The following TENM3 variants were observed in gnomAD, a reference collection of about 807,000 sequenced individuals.
TENM3 encodes the protein teneurin-3.
Under a neutral mutation model 255.1 loss-of-function variants are expected in TENM3, and 63 were observed. The observed-to-expected ratio is 0.25, with a 90% CI of 0.20 to 0.30. TENM3 has a LOEUF of 0.30. Among genes scored for constraint, TENM3 ranks in the 10% least tolerant of loss-of-function variants. The probability of loss-of-function intolerance (pLI) is 1.00; values close to 1 mark genes in which losing one functional copy is unlikely to be tolerated. For missense variants in TENM3, 2,929 were observed against 3,461.1 expected (o/e 0.85, Z 3.86); for synonymous variants, 1,306 against 1,322.3 (o/e 0.99, Z 0.27).
At chr4:182,772,286 C>G (rs1764304401) in intron 22 of TENM3, among the ~76,000 whole-genome samples, 1 of 152,192 alleles carries the variant, frequency 6.6e-6, no homozygotes, top group African/African-American at 2.4e-5. Context: ...ACCTTTTTTA[C>G]TCCTCACTCC....
chr4:182,799,774 G>A lies in TENM3; in HGVS notation c.7523G>A (p.Arg2508His), dbSNP rs1328986770. 1.9e-6 allele frequency: 3 copies of A among 1,588,690 alleles called. No individual in the cohort carries two copies. Among genetic ancestry groups the A allele is most frequent in the East Asian group, 2.3e-5 (1 of 43,172 alleles). The change falls in exon 28 of 28, where the codon CGC (arginine) becomes CAC (histidine). Residue 2508 changes from arginine (R) to histidine (H), a missense_variant. Around this residue, in one of 6 missense-constraint regions of TENM3, gnomAD observed 476 missense variants for 480.1 expected, o/e 0.99. Coordinates refer to ENST00000511685, the MANE Select transcript of TENM3 (RefSeq NM_001080477.4). The surrounding 1 kb of genome is among the most constrained non-coding windows in gnomAD (Gnocchi z 4.2). ...KGVMLAVSQGRVQTNVLNIAN... is the reference protein window; with the variant it reads ...KGVMLAVSQGHVQTNVLNIAN... ...GTCATGCTGGCCGTCAGCCAGGGCC[G>A]CGTGCAGACCAACGTGCTCAACATC...
the TENM3 span, among the ~76,000 whole-genome samples, chr4:182,107,844 C>T: frequency 2.0e-5 from 3 of 152,066 alleles, no homozygotes; most frequent in East Asian, 5.8e-4. Context: ...GGACTGATTT[C>T]CAAATAGTTT....
chr4:182,065,458 G>A, the TENM3 span, among the ~76,000 whole-genome samples: 2 of 152,228 alleles, frequency 1.3e-5, no homozygotes, highest in African/African-American at 2.4e-5. Context: ...GGGGGAGCAC[G>A]CGCGTCACGT....
chr4:182,158,735 T>C (rs1750890667), intron 1 of TENM3, among the ~76,000 whole-genome samples: 3 of 152,098 alleles, frequency 2.0e-5, no homozygotes, highest in Admixed American at 2.0e-4. Context: ...AATACAAGGC[T>C]CTTGACCCCC....
At chr4:181,762,447 A>G in the TENM3 span, among the ~76,000 whole-genome samples, 1 of 152,180 alleles carries the variant, frequency 6.6e-6, no homozygotes, top group Non-Finnish European at 1.5e-5. Flanking sequence ...TTAATGCATC[A>G]TGCTCTCAGT....
intron 3 of TENM3, among the ~76,000 whole-genome samples, chr4:182,366,866 T>C (rs1458107689): frequency 1.3e-5 from 2 of 152,142 alleles, no homozygotes; most frequent in East Asian, 1.9e-4. Context: ...CAAGATCTAT[T>C]TTTCAGTAAA....
chr4:182,144,755 G>A lies in TENM3; in HGVS notation c.-76+1G>A, dbSNP rs914715877. The A allele has an allele frequency of 2.0e-5, 3 of 147,708 alleles. No homozygotes were observed. Among genetic ancestry groups the A allele is most frequent in the Non-Finnish European group, 3.0e-5 (2 of 66,364 alleles). The allele number at this position is 147,708 out of a possible 1,614,324, so 9.1% of individuals were successfully genotyped here. ...CGGCGGCGCGGGCGAGCCGAGCGCG[G>A]TAAGTGCGGCGCCGCCGCCGGCGCG... On this transcript the variant is annotated splice_donor_variant, in intron 1 of 2. Coordinates refer to the TENM3 transcript ENST00000512480. LOFTEE classifies it low-confidence loss of function (5UTR_SPLICE).
rs368531201 is a variant in TENM3, at chr4:182,598,981, CCCATA to C, written c.512-1939_512-1935del. Reference sequence around the variant, plus strand: ...TTCATGGCATCATGGAGTCATCTGACCCATACCACTGCTTCTTTTTAGGCAAAGTC... The same window carrying C: ...TTCATGGCATCATGGAGTCATCTGACCCACTGCTTCTTTTTAGGCAAAGTC... On this transcript the variant is annotated intron_variant, in intron 3 of 27. Coordinates refer to ENST00000511685, the MANE Select transcript of TENM3 (RefSeq NM_001080477.4). Among the ~76,000 whole-genome samples, 23 of 152,266 alleles carry C rather than the reference CCCATA, an allele frequency of 1.5e-4. No individual in the cohort carries two copies. The East Asian group carries it at 4.2e-3, about 28-fold the overall frequency.
chr4:182,680,704 A>G lies in TENM3; in HGVS notation c.1801A>G (p.Asn601Asp), dbSNP rs763607054. The G allele has an allele frequency of 1.3e-6, 2 of 1,583,322 alleles. No homozygotes were observed. Reference protein sequence around the residue: ...GICIMGSCACNSGYKGESCEE... With the variant: ...GICIMGSCACDSGYKGESCEE... Reference sequence around the variant, plus strand: ...TTGTATCATGGGCTCTTGTGCTTGCAACTCAGGATACAAAGGAGAAAGTTG... The same window carrying G: ...TTGTATCATGGGCTCTTGTGCTTGCGACTCAGGATACAAAGGAGAAAGTTG... The change falls in exon 10 of 28, where the codon AAC (asparagine) becomes GAC (aspartate). Residue 601 changes from asparagine (N) to aspartate (D), a missense_variant. This residue lies in a region of TENM3 where 1,608 missense variants were observed against 1,884.4 expected (regional missense o/e 0.85). Transcript: ENST00000511685.
In TENM3 at chr4:182,792,419, AC is replaced by A; in HGVS notation, c.5753del (p.Pro1918ArgfsTer60). 1 of 1,613,698 alleles carries A rather than the reference AC, an allele frequency of 6.2e-7. No individual in the cohort carries two copies. The highest frequency in any genetic ancestry group is 8.5e-7 in the Non-Finnish European group (1 of 1,179,852). ...ATTGGCTACTACCGCAACATATACA[AC>A]CCCCCGGAAAGCAACGCCTCCATCA... is the stretch of plus-strand genomic sequence containing the variant. Reference protein sequence around the residue: ...RSIGYYRNIYNPPESNASIIT... With the variant: ...RSIGYYRNIYXPPESNASIIT... On this transcript the variant is annotated frameshift_variant, in exon 26 of 28. Coordinates refer to ENST00000511685, the MANE Select transcript of TENM3 (RefSeq NM_001080477.4). LOFTEE classifies it high-confidence loss of function. This position sits in a 1 kb window ranked among gnomAD's most constrained non-coding sequence, Gnocchi z 6.3.
At chr4:182,121,801 T>C in the TENM3 span, among the ~76,000 whole-genome samples, 3 of 152,144 alleles carry the variant, frequency 2.0e-5, no homozygotes, top group Admixed American at 2.0e-4. Context: ...ATTGTGGCAA[T>C]TTATTAAAAT....
chr4:182,345,792 C>T (rs1408293132), intron 2 of TENM3, among the ~76,000 whole-genome samples: 1 of 152,024 alleles, frequency 6.6e-6, no homozygotes, highest in Non-Finnish European at 1.5e-5. Flanking sequence ...TTATTATGCT[C>T]AATTTATTAG....
the TENM3 span, among the ~76,000 whole-genome samples, chr4:181,459,036 A>C: frequency 4.0e-5 from 6 of 151,758 alleles, no homozygotes; most frequent in African/African-American, 1.5e-4. Flanking sequence ...TGAGATTTTT[A>C]TTTGCGCCAC....
At chr4:181,458,347 G>T in the TENM3 span, among the ~76,000 whole-genome samples, 1 of 151,814 alleles carries the variant, frequency 6.6e-6, no homozygotes, top group African/African-American at 2.4e-5. Context: ...AGATATTTTA[G>T]GTCACAATTT....
At chr4:182,235,316 G>C (rs983261042) in intron 1 of TENM3, among the ~76,000 whole-genome samples, 5 of 152,210 alleles carry the variant, frequency 3.3e-5, no homozygotes, top group Non-Finnish European at 7.3e-5. Flanking sequence ...TGTGATCTCA[G>C]ATATCTCAAA....
At chr4:181,803,842 G>A in the TENM3 span, among the ~76,000 whole-genome samples, 1 of 151,502 alleles carries the variant, frequency 6.6e-6, no homozygotes, top group Non-Finnish European at 1.5e-5. Context: ...AGGCTGAGAT[G>A]GGAGGATTGC....
At chr4:181,661,960 T>C in the TENM3 span, among the ~76,000 whole-genome samples, 7 of 151,710 alleles carry the variant, frequency 4.6e-5, no homozygotes, top group African/African-American at 2.4e-5. Context: ...CCTTATCAAA[T>C]TGGCCTCATC....
At chr4:182,229,925 G>A (rs1397898552) in intron 1 of TENM3, among the ~76,000 whole-genome samples, 1 of 152,112 alleles carries the variant, frequency 6.6e-6, no homozygotes, top group Non-Finnish European at 1.5e-5. Context: ...TCAACAGGTG[G>A]TAGCTGGTAA....
At chr4:182,543,266 C>G (rs1211221646) in intron 3 of TENM3, among the ~76,000 whole-genome samples, 1 of 152,006 alleles carries the variant, frequency 6.6e-6, no homozygotes. Context: ...AGGGAAGTGT[C>G]TCAACATAGA....
Sources: allele counts gnomAD v4.1 joint callset (sites outside exome capture counted in the v4.1 genomes callset), GRCh38; gene constraint gnomAD v4.1.1; regional missense constraint gnomAD v4.1.1; non-coding constraint Gnocchi (gnomAD v3.1); transcripts MANE v1.5; gene names NCBI Gene and HGNC (gene_info 2026-07-23, HGNC 2026-07-21).